MYO10: variants seen among roughly 807,000 people sequenced by gnomAD.
MYO10 encodes myosin X.
Under a neutral mutation model 257.3 loss-of-function variants are expected in MYO10, and 133 were observed. The ratio of observed to expected loss-of-function variants is 0.52; its 90% CI spans 0.45 to 0.60. The LOEUF is 0.60. Ranked by LOEUF, MYO10 falls within the 20% of genes least tolerant of loss-of-function variation. The pLI, the probability that MYO10 is intolerant of heterozygous loss-of-function variation, is 0.00. For missense variants in MYO10, 2,399 were observed against 2,635.7 expected, an observed-to-expected ratio of 0.91 and a Z score of 1.97; for synonymous variants, 1,104 against 1,028.6, an observed-to-expected ratio of 1.07 and a Z score of -1.40.
intron 19 of MYO10, among the ~76,000 whole-genome samples, chr5:16,721,963 C>A (rs1739169208): frequency 6.6e-6 from 1 of 152,204 alleles, no homozygotes; most frequent in South Asian, 2.1e-4. Context: ...TTTACCTTCC[C>A]AGTCAATACG....
rs776169133 is a variant in MYO10, at chr5:16,672,001, C to T, written c.5310-459G>A. Reference sequence around the variant, plus strand: ...GGATATGAAGTCACAGATCAAATAGCGTAGGTCTACAGGCCAGGTGCAGTG... The same window carrying T: ...GGATATGAAGTCACAGATCAAATAGTGTAGGTCTACAGGCCAGGTGCAGTG... On this transcript the variant is annotated intron_variant, in intron 37 of 40. Coordinates refer to ENST00000513610, the MANE Select transcript of MYO10 (RefSeq NM_012334.3). Among the ~76,000 whole-genome samples the T allele has an allele frequency of 4.6e-5, 7 of 152,144 alleles. No homozygotes were observed. In the South Asian group the frequency reaches 6.2e-4, roughly 13 times the overall value.
chr5:16,674,346 G>A (rs994118479), intron 35 of MYO10, among the ~76,000 whole-genome samples: 1 of 152,026 alleles, frequency 6.6e-6, no homozygotes, highest in Non-Finnish European at 1.5e-5. Flanking sequence ...GCGGGCGCCT[G>A]TAATCTCAGC....
intron 2 of MYO10, among the ~76,000 whole-genome samples, chr5:16,862,818 T>C (rs911920319): frequency 4.6e-5 from 7 of 152,150 alleles, no homozygotes; most frequent in Admixed American, 1.3e-4. Context: ...CAGGGGTCAA[T>C]AGCACCAAAC....
rs777423268 is a variant in MYO10 at position 16,758,233 on chromosome 5, G to C, written c.1740-7C>G. The C allele has an allele frequency of 4.4e-6, 7 of 1,586,800 alleles. No homozygotes were observed. In the South Asian group the frequency reaches 6.6e-5, roughly 15 times the overall value. On this transcript the variant is annotated splice_region_variant and splice_polypyrimidine_tract_variant and intron_variant, in intron 17 of 40. Transcript: ENST00000513610. ...ATCGTAGATAAAGTCAAATCTGTGT[G>C]AGGCAAGAGCAGGAGGTCAGTGAGG... is the stretch of plus-strand genomic sequence containing the variant.
rs192284525 is a variant in MYO10, at chr5:16,760,226, C to T, written c.1739+1238G>A. 1.9e-3 allele frequency among the ~76,000 whole-genome samples: 286 copies of T among 148,358 alleles called. 2 individuals carry two copies. The East Asian group carries it at 0.026, about 14-fold the overall frequency. ...CAGCACTTTGGGAGGCCGAGGTGGG[C>T]GGATCATGAGGTCAGGAGATGGAGA... On this transcript the variant is annotated intron_variant, in intron 17 of 40. Transcript: ENST00000513610.
intron 2 of MYO10, among the ~76,000 whole-genome samples, chr5:16,822,492 G>A (rs1159580820): frequency 6.6e-6 from 1 of 152,012 alleles, no homozygotes; most frequent in Non-Finnish European, 1.5e-5. Flanking sequence ...TGAAGGTCAG[G>A]GTGGACTAAG....
At chr5:16,839,560 T>G (rs1420219608) in intron 2 of MYO10, among the ~76,000 whole-genome samples, 2 of 151,994 alleles carry the variant, frequency 1.3e-5, no homozygotes, top group Non-Finnish European at 2.9e-5. Context: ...CTGGGCAACA[T>G]GGCAAAACCC....
intron 1 of MYO10, among the ~76,000 whole-genome samples, chr5:16,930,198 G>A (rs1427427358): frequency 6.6e-6 from 1 of 152,182 alleles, no homozygotes; most frequent in Non-Finnish European, 1.5e-5. Flanking sequence ...TTAGAGGTAA[G>A]AGAATAGAGG....
intron 2 of MYO10, among the ~76,000 whole-genome samples, chr5:16,825,768 G>T (rs1330902919): frequency 6.6e-6 from 1 of 152,208 alleles, no homozygotes; most frequent in Non-Finnish European, 1.5e-5. Flanking sequence ...AGAATTACTT[G>T]AGCCCAGGAG....
chr5:16,834,157 C>G (rs538534721), intron 2 of MYO10, among the ~76,000 whole-genome samples: 14 of 152,194 alleles, frequency 9.2e-5, no homozygotes, highest in African/African-American at 3.4e-4. Context: ...AGTCACCCCT[C>G]TTTTGAGTTT....
At chr5:16,896,227 G>A (rs1022521365) in intron 1 of MYO10, among the ~76,000 whole-genome samples, 8 of 152,138 alleles carry the variant, frequency 5.3e-5, no homozygotes, top group African/African-American at 1.9e-4. Flanking sequence ...GGGAGGCAGG[G>A]GTGGGAGGAT....
rs530971068 is a variant in MYO10, at chr5:16,691,245, G to A, written c.3801-1326C>T. 1.6e-3 allele frequency among the ~76,000 whole-genome samples: 232 copies of A among 148,976 alleles called. 3 individuals are homozygous for A. The highest frequency in any genetic ancestry group is 5.5e-3 in the African/African-American group (222 of 40,154). ...AGATCGCGCCACTGCACTCCAACCT[G>A]GGCGAAAGAGTGAGACTCCGTCTCA... On this transcript the variant is annotated intron_variant, in intron 27 of 40. Transcript: ENST00000513610.
chr5:16,906,110 T>A (rs1011912944), intron 1 of MYO10, among the ~76,000 whole-genome samples: 9 of 152,214 alleles, frequency 5.9e-5, no homozygotes, highest in Non-Finnish European at 1.2e-4. Flanking sequence ...TTAACAGGCC[T>A]TGAAGGCAAC....
chr5:16,791,135 G>A (rs1191872095), intron 4 of MYO10, among the ~76,000 whole-genome samples: 1 of 152,158 alleles, frequency 6.6e-6, no homozygotes, highest in Non-Finnish European at 1.5e-5. Flanking sequence ...GAGAAAAATT[G>A]ATCTATGAAG....
chr5:16,930,730 C>G (rs146420178), intron 1 of MYO10, among the ~76,000 whole-genome samples: 4 of 152,176 alleles, frequency 2.6e-5, no homozygotes, highest in East Asian at 1.9e-4. Context: ...GGAACTATTA[C>G]GCCCATTTAC....
chr5:16,757,480 A>G (rs2126645816), intron 18 of MYO10, among the ~76,000 whole-genome samples: 1 of 152,228 alleles, frequency 6.6e-6, no homozygotes, highest in Non-Finnish European at 1.5e-5. Context: ...GGGGGAAAAA[A>G]CATCCAGATA....
At chr5:16,704,264 G>A (rs1284524067) in intron 22 of MYO10, among the ~76,000 whole-genome samples, 1 of 152,118 alleles carries the variant, frequency 6.6e-6, no homozygotes, top group African/African-American at 2.4e-5. Context: ...GGTCAAGGCT[G>A]CAATAAGCCA....
intron 1 of MYO10, among the ~76,000 whole-genome samples, chr5:16,892,265 C>A (rs1745080523): frequency 6.6e-6 from 1 of 152,190 alleles, no homozygotes; most frequent in East Asian, 1.9e-4. Context: ...CTTGAGATCT[C>A]TCTGCACAAA....
chr5:16,830,679 G>GCACACACACACACACACACT (rs1554000809), intron 2 of MYO10, among the ~76,000 whole-genome samples: 27 of 149,022 alleles, frequency 1.8e-4, no homozygotes, highest in South Asian at 1.3e-3. Flanking sequence ...TTTTTAATAG[G>GCACACACACACACACACACT]CACACACACA....
Sources: gnomAD v4.1 joint callset for allele counts (sites outside exome capture counted in the v4.1 genomes callset) on GRCh38, gnomAD v4.1.1 for gene constraint, MANE v1.5 for transcripts, NCBI Gene and HGNC (gene_info 2026-07-23, HGNC 2026-07-21) for gene names.